Variants in RBM20 observed in about 807,000 individuals in gnomAD.
The protein encoded by RBM20 is RNA binding motif protein 20.
RBM20 carries 51 observed loss-of-function variants against 110.1 expected under a neutral mutation model. That is an observed-to-expected ratio of 0.46 (90% confidence interval 0.37 to 0.59). RBM20 has a LOEUF of 0.59. Ranked by LOEUF, RBM20 falls within the 20% of genes least tolerant of loss-of-function variation. The pLI, the probability that RBM20 is intolerant of heterozygous loss-of-function variation, is 0.00. For missense variants in RBM20, 1,512 were observed against 1,574.9 expected (o/e 0.96, Z 0.68); for synonymous variants, 589 against 618.2 (o/e 0.95, Z 0.70).
At chr10:110,741,002 T>G (rs1246410894) in intron 1 of RBM20, among the ~76,000 whole-genome samples, 1 of 152,178 alleles carries the variant, frequency 6.6e-6, no homozygotes, top group Non-Finnish European at 1.5e-5. Context: ...TTTTTCTTTT[T>G]GATTGGGTGG....
At chr10:110,818,724 G>A (rs936737353) in intron 9 of RBM20, among the ~76,000 whole-genome samples, 27 of 152,374 alleles carry the variant, frequency 1.8e-4, no homozygotes, top group African/African-American at 6.0e-4. Context: ...TCCCTTTACT[G>A]TGTTGATCTG....
chr10:110,766,662 G>A (rs1313574781), intron 1 of RBM20, among the ~76,000 whole-genome samples: 2 of 151,028 alleles, frequency 1.3e-5, no homozygotes, highest in African/African-American at 4.9e-5. Flanking sequence ...AGATCAACAG[G>A]ATCACAAGGC....
intron 1 of RBM20, among the ~76,000 whole-genome samples, chr10:110,697,682 A>G (rs1315146684): frequency 6.6e-6 from 1 of 152,028 alleles, no homozygotes; most frequent in Admixed American, 6.6e-5. Context: ...TGATCATCAC[A>G]CATCCACTGT....
At chr10:110,738,901 G>A (rs1274130607) in intron 1 of RBM20, among the ~76,000 whole-genome samples, 2 of 152,200 alleles carry the variant, frequency 1.3e-5, no homozygotes, top group Non-Finnish European at 2.9e-5. Flanking sequence ...GTGTTGGTCT[G>A]AGAACTCTCC....
In RBM20 at chr10:110,812,275, C is replaced by A; in HGVS notation, c.1881-3C>A. 6.5e-7 allele frequency: 1 copy of A among 1,537,790 alleles called. No individual in the cohort carries two copies. Among genetic ancestry groups the A allele is most frequent in the South Asian group, 1.2e-5 (1 of 83,274 alleles). ...TAAATCCTGCTCCTTGGCTCCCTCACAGATATGGCCCAGAAAGGCCGCGGT... is the reference window on the plus strand; with the variant it reads ...TAAATCCTGCTCCTTGGCTCCCTCAAAGATATGGCCCAGAAAGGCCGCGGT... On this transcript the variant is annotated splice_region_variant and splice_polypyrimidine_tract_variant and intron_variant, in intron 8 of 13. Coordinates refer to ENST00000369519, the MANE Select transcript of RBM20 (RefSeq NM_001134363.3).
intron 13 of RBM20, among the ~76,000 whole-genome samples, chr10:110,832,727 A>G (rs923784079): frequency 4.6e-5 from 7 of 152,190 alleles, no homozygotes; most frequent in Admixed American, 2.0e-4. Flanking sequence ...ACTGAGACCC[A>G]TAATGTCATG....
At chr10:110,744,643 C>A (rs555464909) in intron 1 of RBM20, among the ~76,000 whole-genome samples, 1 of 152,264 alleles carries the variant, frequency 6.6e-6, no homozygotes, top group East Asian at 1.9e-4. Context: ...TGTCTGAGGC[C>A]TGCTGAAGTT....
intron 1 of RBM20, among the ~76,000 whole-genome samples, chr10:110,697,493 T>G (rs1319396424): frequency 6.6e-6 from 1 of 152,274 alleles, no homozygotes; most frequent in Non-Finnish European, 1.5e-5. Flanking sequence ...GCCAGGCCCA[T>G]GCCAAGAGCT....
chr10:110,823,455 T>G, intron 11 of RBM20, 25 bp from the exon 12 acceptor site: 7 of 871,518 alleles, frequency 8.0e-6, no homozygotes, highest in East Asian at 9.1e-5. Flanking sequence ...TTTTTTTTTT[T>G]TTTGCCTTGG....
rs1844793217 is a variant in RBM20, at chr10:110,812,873, A to C, written c.2476A>C (p.Asn826His). 11 of 1,479,560 alleles carry C rather than the reference A, an allele frequency of 7.4e-6. No homozygotes were observed. The highest frequency in any genetic ancestry group is 9.8e-6 in the Non-Finnish European group (11 of 1,116,782). 91.7% of individuals were successfully genotyped at this position (1,479,560 alleles called of 1,614,324 possible). A position where few individuals can be genotyped will look rare whatever the true frequency, so the allele number is the denominator to read the frequency against. Reference protein sequence around the residue: ...EGAKAKQNEKNKTKRTDRDQE... With the variant: ...EGAKAKQNEKHKTKRTDRDQE... ...CGCCAAGGCCAAGCAGAATGAGAAA[A>C]ATAAAACCAAGAGAACTGATAGAGA... The change falls in exon 9 of 14, where the codon AAT becomes CAT. Residue 826 changes from asparagine to histidine, a missense_variant. Transcript: ENST00000369519.
chr10:110,750,395 G>A (rs929792650), intron 1 of RBM20, among the ~76,000 whole-genome samples: 9 of 152,088 alleles, frequency 5.9e-5, no homozygotes, highest in African/African-American at 2.2e-4. Flanking sequence ...GAAAACAAGA[G>A]GGTTGGACTG....
At chr10:110,812,160 A>G (rs539784206) in intron 8 of RBM20, 118 bp from the exon 9 acceptor site, 4 of 909,934 alleles carry the variant, frequency 4.4e-6, no homozygotes, top group South Asian at 3.5e-5. Context: ...GTTGGGAGTT[A>G]AGAGTGTACA....
intron 1 of RBM20, among the ~76,000 whole-genome samples, chr10:110,657,750 G>A (rs1211071284): frequency 1.3e-5 from 2 of 152,136 alleles, no homozygotes; most frequent in Non-Finnish European, 2.9e-5. Flanking sequence ...TTGTTTCCAG[G>A]TTTTGGCTAT....
chr10:110,807,291 G>C lies in RBM20; in HGVS notation c.1801-3092G>C, dbSNP rs189069339. 5.7e-3 allele frequency among the ~76,000 whole-genome samples: 868 copies of C among 152,312 alleles called. 8 individuals are homozygous for C. Among genetic ancestry groups the C allele is most frequent in the Non-Finnish European group, 7.2e-3 (487 of 68,018 alleles). The stretch of plus-strand genomic sequence containing the variant: ...GATAGAAGTAACTCCAGGAGGTATG[G>C]GCTGAAAGTGACCCCAGGAGGAGGT... On this transcript the variant is annotated intron_variant, in intron 7 of 13. Transcript: ENST00000369519.
chr10:110,823,528 A>G lies in RBM20; in HGVS notation c.3365A>G (p.Glu1122Gly), dbSNP rs762399453. 6.5e-7 allele frequency: 1 copy of G among 1,547,966 alleles called. No homozygotes were observed. Among genetic ancestry groups the G allele is most frequent in the Non-Finnish European group, 8.7e-7 (1 of 1,146,570 alleles). Residue 1122 changes from glutamate to glycine, a missense_variant, in exon 12 of 14, where the codon GAG (glutamate) becomes GGG (glycine). Glu to Gly is a moderately conservative substitution (Grantham distance 98). Coordinates refer to ENST00000369519, the MANE Select transcript of RBM20 (RefSeq NM_001134363.3). Reference protein sequence around the residue: ...EMKSLEVRSPEYTEVELKQPL... With the variant: ...EMKSLEVRSPGYTEVELKQPL... ...AAATCTCTGGAGGTGAGGTCACCAGAGTACACTGAAGTGGAACTGAAACAG... is the reference window on the plus strand; with the variant it reads ...AAATCTCTGGAGGTGAGGTCACCAGGGTACACTGAAGTGGAACTGAAACAG...
intron 9 of RBM20, among the ~76,000 whole-genome samples, chr10:110,818,754 T>C (rs1330394596): frequency 6.6e-6 from 1 of 151,692 alleles, no homozygotes; most frequent in Non-Finnish European, 1.5e-5. Flanking sequence ...CTGCAGGAAC[T>C]GCTTGGGAAG....
At chr10:110,819,426 C>A (rs1199385039) in intron 9 of RBM20, among the ~76,000 whole-genome samples, 1 of 152,208 alleles carries the variant, frequency 6.6e-6, no homozygotes, top group African/African-American at 2.4e-5. Flanking sequence ...TTTGTTGACC[C>A]TTGTCTTAAA....
intron 1 of RBM20, among the ~76,000 whole-genome samples, chr10:110,666,238 C>T (rs758029391): frequency 8.5e-5 from 13 of 152,140 alleles, no homozygotes; most frequent in Middle Eastern, 3.4e-3. Context: ...TGAAAGTTTC[C>T]GTAATAAAAA....
chr10:110,644,028 G>T (rs1470550174), upstream of RBM20, among the ~76,000 whole-genome samples: 1 of 152,200 alleles, frequency 6.6e-6, no homozygotes, highest in Non-Finnish European at 1.5e-5. This position sits in a 1 kb window ranked among gnomAD's most constrained non-coding sequence, Gnocchi z 4.3. Flanking sequence ...GGCCGACCGC[G>T]GGCTGCGTGT....
Sources: allele counts gnomAD v4.1 joint callset (sites outside exome capture counted in the v4.1 genomes callset), GRCh38; gene constraint gnomAD v4.1.1; non-coding constraint Gnocchi (gnomAD v3.1); transcripts MANE v1.5; gene names NCBI Gene and HGNC (gene_info 2026-07-23, HGNC 2026-07-21).